Variants in SNX29 observed in about 807,000 individuals in gnomAD.
SNX29 encodes the protein sorting nexin 29.
In SNX29, 78 loss-of-function variants were observed where a neutral mutation model predicts 102.1. The observed-to-expected ratio is 0.76, with a 90% confidence interval of 0.64 to 0.92. The LOEUF (loss-of-function observed/expected upper bound fraction) is 0.92. SNX29 is among the 40% of genes least tolerant of loss of function. The probability of loss-of-function intolerance (pLI) is 0.00; values close to 1 mark genes in which losing one functional copy is unlikely to be tolerated. For missense variants in SNX29, 1,280 were observed against 1,061.7 expected (o/e 1.21, Z -2.86); for synonymous variants, 580 against 414.5 (o/e 1.40, Z -4.85).
intron 19 of SNX29, among the ~76,000 whole-genome samples, chr16:12,518,348 C>T (rs1032543386): frequency 6.6e-6 from 1 of 152,198 alleles, no homozygotes; most frequent in Non-Finnish European, 1.5e-5. Context: ...AGCCGCTAAA[C>T]CCAGCCACAC....
intron 19 of SNX29, among the ~76,000 whole-genome samples, chr16:12,497,345 C>T (rs1378370709): frequency 2.0e-5 from 3 of 152,198 alleles, no homozygotes; most frequent in Non-Finnish European, 4.4e-5. Context: ...GAATAAGATA[C>T]ATTTCCTGCC....
chr16:12,173,193 C>T (rs1053241044), intron 13 of SNX29, among the ~76,000 whole-genome samples: 1 of 152,224 alleles, frequency 6.6e-6, no homozygotes, highest in African/African-American at 2.4e-5. Flanking sequence ...CTTAGAATTG[C>T]AGCCAGTTTC....
chr16:12,543,070 C>A (rs541902206), intron 20 of SNX29, among the ~76,000 whole-genome samples: 12 of 152,312 alleles, frequency 7.9e-5, no homozygotes, highest in African/African-American at 2.9e-4. Flanking sequence ...TTGGTTTCAC[C>A]CTCAAGCATG....
At chr16:12,367,353 C>CA (rs1395213941) in intron 16 of SNX29, 1 of 152,270 alleles carries the variant, frequency 6.6e-6, no homozygotes, top group African/African-American at 2.4e-5. Flanking sequence ...TGTTCACTAG[C>CA]ACGTTCGATT....
chr16:12,095,849 G>T (rs1397966735), intron 11 of SNX29, among the ~76,000 whole-genome samples: 1 of 152,182 alleles, frequency 6.6e-6, no homozygotes, highest in African/African-American at 2.4e-5. Context: ...ATCCTTACTT[G>T]TCAATAGGCT....
In SNX29 at chr16:12,571,896, C is replaced by A; in HGVS notation, c.*3267C>A. On this transcript the variant is annotated 3_prime_UTR_variant, in exon 21 of 21. Transcript: ENST00000566228. ...GAGTTTGGAGCTGAGGTTCAAAGCC[C>A]CCTGCATTTCTCTACTGGCAGGCCC... is the stretch of plus-strand genomic sequence containing the variant. 4 of 1,062,054 alleles carry A rather than the reference C, an allele frequency of 3.8e-6. No individual in the cohort carries two copies. Among genetic ancestry groups the A allele is most frequent in the Admixed American group, 5.4e-5 (1 of 18,634 alleles). The allele number at this position is 1,062,054 out of a possible 1,614,324, so 65.8% of individuals were successfully genotyped here.
intron 20 of SNX29, among the ~76,000 whole-genome samples, chr16:12,558,370 A>G (rs949846763): frequency 6.6e-6 from 1 of 152,224 alleles, no homozygotes; most frequent in Non-Finnish European, 1.5e-5. Flanking sequence ...GCCATTGGTA[A>G]CCATCGGAAT....
chr16:12,548,051 CT>C (rs1567171210), intron 20 of SNX29, among the ~76,000 whole-genome samples: 1 of 152,166 alleles, frequency 6.6e-6, no homozygotes, highest in Non-Finnish European at 1.5e-5. Flanking sequence ...AGCACCACCC[CT>C]GGCACACACA....
At chr16:12,024,210 C>CT (rs2057122903) in intron 3 of SNX29, among the ~76,000 whole-genome samples, 3 of 151,610 alleles carry the variant, frequency 2.0e-5, no homozygotes, top group Non-Finnish European at 4.4e-5. Context: ...ACGATCTCGG[C>CT]TCACGGCAAC....
At chr16:12,289,947 G>C (rs930616988) in intron 15 of SNX29, among the ~76,000 whole-genome samples, 8 of 152,254 alleles carry the variant, frequency 5.3e-5, no homozygotes, top group African/African-American at 1.9e-4. Flanking sequence ...CATGAGCTCA[G>C]CCTGCAGGCA....
intron 11 of SNX29, among the ~76,000 whole-genome samples, chr16:12,086,204 C>CTA (rs2052173080): frequency 6.6e-6 from 1 of 151,990 alleles, no homozygotes; most frequent in Non-Finnish European, 1.5e-5. Flanking sequence ...CGGGATTTCA[C>CTA]TGTGTTAGCC....
chr16:12,461,978 A>AAATAATAT (rs1555544501), intron 18 of SNX29, among the ~76,000 whole-genome samples: 2 of 27,356 alleles, frequency 7.3e-5, no homozygotes, highest in East Asian at 4.2e-3. Flanking sequence ...AAAAAAAAAA[A>AAATAATAT]ATATATATAT....
chr16:12,322,824 T>TGACCACTGTCAGGATGTGGTCACTAGAG (rs1555510922), intron 15 of SNX29, among the ~76,000 whole-genome samples: 61,227 of 129,470 alleles, frequency 0.47, 17,394 homozygotes, highest in Non-Finnish European at 0.57. Flanking sequence ...GAATCACTGA[T>TGACCACTGTCAGGATGTGGTCACTAGAG]GACCACTGTC....
chr16:12,474,437 C>A (rs924918060), intron 18 of SNX29, among the ~76,000 whole-genome samples: 5 of 151,936 alleles, frequency 3.3e-5, no homozygotes, highest in Non-Finnish European at 1.5e-5. Context: ...AACATGCAGG[C>A]CTGGGATTGC....
chr16:12,203,779 T>G (rs1325546372), intron 14 of SNX29, among the ~76,000 whole-genome samples: 2 of 152,230 alleles, frequency 1.3e-5, no homozygotes, highest in African/African-American at 2.4e-5. Context: ...GCTTGCTCTG[T>G]GTACTGAAGA....
In SNX29 at chr16:12,571,532, C is replaced by T. The variant is rs2079187478; in HGVS notation, c.*2903C>T. ...CAAGGGCCTTGGATTCCTGGGACCA[C>T]CCTTTGCTGGGAGGAAGAATCCACA... On this transcript the variant is annotated 3_prime_UTR_variant, in exon 21 of 21. Transcript: ENST00000566228. 5 of 866,024 alleles carry T rather than the reference C, an allele frequency of 5.8e-6. No individual in the cohort carries two copies. The highest frequency in any genetic ancestry group is 5.6e-5 in the South Asian group (1 of 17,898). The allele number at this position is 866,024 out of a possible 1,614,324, so 53.6% of individuals were successfully genotyped here. A position where few individuals can be genotyped will look rare whatever the true frequency, so the allele number is the denominator to read the frequency against.
intron 3 of SNX29, among the ~76,000 whole-genome samples, chr16:12,013,180 C>G (rs762939477): frequency 6.6e-6 from 1 of 151,750 alleles, no homozygotes; most frequent in African/African-American, 2.4e-5. Flanking sequence ...TGTCATGGCT[C>G]TACCATGGAA....
At chr16:12,032,903 C>T (rs909559524) in intron 4 of SNX29, among the ~76,000 whole-genome samples, 19 of 151,992 alleles carry the variant, frequency 1.3e-4, no homozygotes, top group Admixed American at 9.2e-4. Flanking sequence ...CACTTTGTCA[C>T]CCAGGCTGGA....
chr16:12,102,751 G>A (rs553063156), intron 11 of SNX29, among the ~76,000 whole-genome samples: 13 of 152,306 alleles, frequency 8.5e-5, no homozygotes, highest in African/African-American at 3.1e-4. Flanking sequence ...TATTCAGATA[G>A]GAAGAGTAGA....
Sources: allele counts gnomAD v4.1 joint callset (sites outside exome capture counted in the v4.1 genomes callset), GRCh38; gene constraint gnomAD v4.1.1; transcripts MANE v1.5; gene names NCBI Gene and HGNC (gene_info 2026-07-23, HGNC 2026-07-21).